DACH2: variants seen among roughly 807,000 people sequenced by gnomAD.
DACH2 encodes dachshund homolog 2.
A neutral mutation model predicts 35.8 loss-of-function variants in DACH2; 17 were observed. The ratio of observed to expected loss-of-function variants is 0.48; its 90% CI spans 0.33 to 0.71. DACH2 has a LOEUF of 0.71. DACH2 is among the 30% of genes least tolerant of loss of function. DACH2 has a pLI of 0.02. For synonymous variants in DACH2, 195 were observed against 177.3 expected, an observed-to-expected ratio of 1.10 and a Z score of -0.79; for missense variants, 469 against 472.7, an observed-to-expected ratio of 0.99 and a Z score of 0.07.
At chrX:86,453,379 G>A (rs1258545752) in intron 2 of DACH2, among the ~76,000 whole-genome samples, 1 of 111,800 alleles carries the variant, frequency 8.9e-6, no homozygotes, top group Admixed American at 9.5e-5. Context: ...TTAATTTTCT[G>A]TCTCATTGGT....
At chrX:86,612,818 G>A (rs1298870230) in intron 3 of DACH2, among the ~76,000 whole-genome samples, 1 of 112,131 alleles carries the variant, frequency 8.9e-6, no homozygotes, top group African/African-American at 3.2e-5. Context: ...TGTGTAGATA[G>A]TTGTCAAATT....
chrX:86,379,713 CT>C (rs2036019140), intron 2 of DACH2, among the ~76,000 whole-genome samples: 1 of 110,874 alleles, frequency 9.0e-6, no homozygotes, highest in African/African-American at 3.3e-5. Flanking sequence ...AGAAAAAAAT[CT>C]CATTCCTTGA....
intron 5 of DACH2, among the ~76,000 whole-genome samples, chrX:86,707,912 T>TAAAA (rs56293403): frequency 1.7e-4 from 6 of 34,562 alleles, no homozygotes; most frequent in South Asian, 1.1e-3. Context: ...AGACTCCATC[T>TAAAA]AAAAAAAAAA....
intron 5 of DACH2, among the ~76,000 whole-genome samples, chrX:86,696,974 G>C (rs1461562637): frequency 1.8e-5 from 2 of 111,617 alleles, no homozygotes; most frequent in East Asian, 5.7e-4. Flanking sequence ...ACTTGGTTTT[G>C]CTAGAGCCTA....
intron 3 of DACH2, among the ~76,000 whole-genome samples, chrX:86,587,592 A>T (rs2061685169): frequency 9.0e-6 from 1 of 111,269 alleles, no homozygotes; most frequent in South Asian, 3.7e-4. Flanking sequence ...TCTTCAATGC[A>T]TAGTTTGTTG....
chrX:86,458,178 T>C (rs2037508121), intron 2 of DACH2, among the ~76,000 whole-genome samples: 1 of 111,816 alleles, frequency 8.9e-6, no homozygotes, highest in Admixed American at 9.6e-5. Context: ...TCATCCAATC[T>C]CTTTTACTTC....
chrX:86,272,312 C>T lies in DACH2; in HGVS notation c.489-104512C>T, dbSNP rs1261981026. 3.7e-5 allele frequency among the ~76,000 whole-genome samples: 4 copies of T among 109,093 alleles called. 1 individual carries two copies. Among genetic ancestry groups the T allele is most frequent in the South Asian group, 7.9e-4 (2 of 2,541 alleles). The allele number at this position is 109,093 out of a possible 115,157, so 94.7% of individuals were successfully genotyped here. A position where few individuals can be genotyped will look rare whatever the true frequency, so the allele number is the denominator to read the frequency against. On this transcript the variant is annotated intron_variant, in intron 1 of 11. Coordinates refer to ENST00000373125, the MANE Select transcript of DACH2 (RefSeq NM_053281.3). The stretch of plus-strand genomic sequence containing the variant: ...TATTGTGAATAGTGCTGTAAATATA[C>T]TATTTTAACAGAGGGAATTTTGAGA...
intron 1 of DACH2, among the ~76,000 whole-genome samples, chrX:86,329,254 G>A (rs758583420): frequency 1.8e-5 from 2 of 110,946 alleles, no homozygotes; most frequent in East Asian, 2.8e-4. Flanking sequence ...TTTAAGCTAG[G>A]CAGTTAGCTT....
At chrX:86,293,657 G>A (rs1186231466) in intron 1 of DACH2, among the ~76,000 whole-genome samples, 38 of 110,526 alleles carry the variant, frequency 3.4e-4, no homozygotes, top group African/African-American at 1.1e-3. Context: ...TGTCTGTAAA[G>A]TATTTTATTT....
At chrX:86,662,266 A>T (rs1054807474) in intron 4 of DACH2, among the ~76,000 whole-genome samples, 1 of 111,494 alleles carries the variant, frequency 9.0e-6, no homozygotes, top group Admixed American at 9.5e-5. Flanking sequence ...AGAGTAAAGT[A>T]AGAAGGTATC....
chrX:86,269,123 C>G (rs890443525), intron 1 of DACH2, among the ~76,000 whole-genome samples: 2 of 110,100 alleles, frequency 1.8e-5, no homozygotes, highest in East Asian at 5.7e-4. Flanking sequence ...CTATCTACCC[C>G]TCCCCACCCC....
intron 1 of DACH2, among the ~76,000 whole-genome samples, chrX:86,189,944 A>C (rs1399073415): frequency 1.8e-5 from 2 of 110,160 alleles, no homozygotes; most frequent in East Asian, 5.7e-4. Flanking sequence ...TGGGCAGATC[A>C]CTTGAGGTCA....
intron 1 of DACH2, among the ~76,000 whole-genome samples, chrX:86,230,681 C>T (rs375495629): frequency 2.7e-5 from 3 of 111,003 alleles, no homozygotes; most frequent in Non-Finnish European, 3.8e-5. Context: ...TTGGTCTGTT[C>T]GGGGTATGTA....
intron 3 of DACH2, among the ~76,000 whole-genome samples, chrX:86,525,696 C>T (rs1223816736): frequency 9.0e-6 from 1 of 111,461 alleles, no homozygotes; most frequent in African/African-American, 3.3e-5. Flanking sequence ...TAGCTTCCCC[C>T]TGTGTTGAGA....
chrX:86,493,889 T>C (rs893772943), intron 2 of DACH2, among the ~76,000 whole-genome samples: 1 of 112,064 alleles, frequency 8.9e-6, no homozygotes, highest in African/African-American at 3.2e-5. Flanking sequence ...GCTAGAGACC[T>C]TTTCACTTGA....
chrX:86,296,331 A>C (rs2034456400), intron 1 of DACH2, among the ~76,000 whole-genome samples: 1 of 94,352 alleles, frequency 1.1e-5, no homozygotes, highest in Non-Finnish European at 2.1e-5. Context: ...CAGTGAGCCG[A>C]GATTGCGCCA....
intron 11 of DACH2, chrX:86,830,461 T>G (rs2042601868): frequency 8.9e-6 from 1 of 111,902 alleles, no homozygotes. Context: ...TAGCCTAGTT[T>G]TTCTTTCAAT....
chrX:86,381,050 T>C (rs1437849894), intron 2 of DACH2, among the ~76,000 whole-genome samples: 1 of 110,015 alleles, frequency 9.1e-6, no homozygotes, highest in East Asian at 2.9e-4. Context: ...AACCGTGCTG[T>C]AATGGTCATG....
intron 5 of DACH2, among the ~76,000 whole-genome samples, chrX:86,701,330 C>T (rs1254126929): frequency 1.8e-5 from 2 of 111,494 alleles, no homozygotes; most frequent in Admixed American, 9.5e-5. Context: ...GTTAAAAACC[C>T]TCAGTAAACT....
Sources: gnomAD v4.1 joint callset for allele counts (sites outside exome capture counted in the v4.1 genomes callset) on GRCh38, gnomAD v4.1.1 for gene constraint, MANE v1.5 for transcripts, NCBI Gene and HGNC (gene_info 2026-07-23, HGNC 2026-07-21) for gene names.